CLDN12: variants seen among roughly 807,000 people sequenced by gnomAD.
The protein encoded by CLDN12 is claudin-12.
CLDN12 carries 9 observed loss-of-function variants against 15.5 expected under a neutral mutation model. That is an observed-to-expected ratio of 0.58 (90% CI 0.35 to 1.02). The LOEUF (loss-of-function observed/expected upper bound fraction) is 1.02. Ranked by LOEUF, CLDN12 falls within the 50% of genes least tolerant of loss-of-function variation. The probability of loss-of-function intolerance (pLI) is 0.02; values close to 1 mark genes in which losing one functional copy is unlikely to be tolerated. For missense variants in CLDN12, 233 were observed against 297.3 expected (o/e 0.78, Z 1.59); for synonymous variants, 140 against 121.6 (o/e 1.15, Z -1.00).
Position 90,413,525 on chromosome 7 carries a change from C to G in CLDN12, c.*114C>G. On this transcript the variant is annotated 3_prime_UTR_variant, in exon 4 of 4. Coordinates refer to ENST00000496677, the MANE Select transcript of CLDN12 (RefSeq NM_001185072.3). The stretch of plus-strand genomic sequence containing the variant: ...CTTTGTTTTTGACCAATCAATGAAG[C>G]CAAATTTATATGTCCTAGTAGAATG... The G allele has an allele frequency of 6.7e-7, 1 of 1,497,058 alleles. No homozygotes were observed. The highest frequency in any genetic ancestry group is 8.9e-7 in the Non-Finnish European group (1 of 1,125,736). 92.7% of individuals were successfully genotyped at this position (1,497,058 alleles called of 1,614,324 possible).
At position 90,415,567 on chromosome 7, in the gene CLDN12, T is replaced by C. The variant is rs976635967; in HGVS notation, c.*2156T>C. On this transcript the variant is annotated 3_prime_UTR_variant, in exon 4 of 4. Transcript: ENST00000496677. ...ATTATGGATTCACTAGACAAACAGC[T>C]GTTTCCTTATTGTCTTTTTTCTTTA... 1.2e-5 allele frequency: 2 copies of C among 166,892 alleles called. No homozygotes were observed. The highest frequency in any genetic ancestry group is 2.4e-5 in the African/African-American group (1 of 41,476). The allele number at this position is 166,892 out of a possible 1,614,324, so 10.3% of individuals were successfully genotyped here.
At chr7:90,411,282 A>G (rs1796956305) in intron 2 of CLDN12, among the ~76,000 whole-genome samples, 1 of 152,240 alleles carries the variant, frequency 6.6e-6, no homozygotes, top group Non-Finnish European at 1.5e-5. Context: ...TCATGCTCTG[A>G]ACAAAAAAGT....
At chr7:90,411,498 T>C (rs557844407) in intron 2 of CLDN12, among the ~76,000 whole-genome samples, 1 of 152,354 alleles carries the variant, frequency 6.6e-6, no homozygotes, top group East Asian at 1.9e-4. Flanking sequence ...CGACTGTTTT[T>C]CTTATAATAG....
chr7:90,412,951 T>C lies in CLDN12; in HGVS notation c.275T>C (p.Leu92Pro). 1 of 1,614,164 alleles carries C rather than the reference T, an allele frequency of 6.2e-7. No homozygotes were observed. Among genetic ancestry groups the C allele is most frequent in the Non-Finnish European group, 8.5e-7 (1 of 1,180,016 alleles). Residue 92 changes from leucine to proline, a missense_variant, in exon 4 of 4, where the codon CTC becomes CCC. Transcript: ENST00000496677. Reference sequence around the variant, plus strand: ...CGTGTCCTCCAGTTTGCCCTACCCCTCAGCATGCTGATCGCCATGGGTGCC... The same window carrying C: ...CGTGTCCTCCAGTTTGCCCTACCCCCCAGCATGCTGATCGCCATGGGTGCC... ...DLRVLQFALPLSMLIAMGALL... is the reference protein window; with the variant it reads ...DLRVLQFALPPSMLIAMGALL...
At position 90,415,498 on chromosome 7, in the gene CLDN12, A is replaced by G. The variant is rs982647638; in HGVS notation, c.*2087A>G. The G allele has an allele frequency of 1.2e-5, 2 of 166,518 alleles. No individual in the cohort carries two copies. The highest frequency in any genetic ancestry group is 1.5e-5 in the Non-Finnish European group (1 of 68,094). The allele number at this position is 166,518 out of a possible 1,614,324, so 10.3% of individuals were successfully genotyped here. On this transcript the variant is annotated 3_prime_UTR_variant, in exon 4 of 4. Transcript: ENST00000496677. ...TAAATATAAACATTAACTTTCCTAT[A>G]AGAATATTTTGGCTTTGTAATCTAT...
intron 3 of CLDN12, chr7:90,412,286 G>T: frequency 5.4e-6 from 1 of 184,628 alleles, no homozygotes; most frequent in Non-Finnish European, 1.1e-5. Flanking sequence ...CAGAGTGCTT[G>T]ATGTATATGT....
In CLDN12 at chr7:90,413,754, T is replaced by C; in HGVS notation, c.*343T>C. 2.9e-6 allele frequency: 3 copies of C among 1,032,976 alleles called. No individual in the cohort carries two copies. Among genetic ancestry groups the C allele is most frequent in the Non-Finnish European group, 3.5e-6 (3 of 852,170 alleles). 64.0% of individuals were successfully genotyped at this position (1,032,976 alleles called of 1,614,324 possible). On this transcript the variant is annotated 3_prime_UTR_variant, in exon 4 of 4. Coordinates refer to ENST00000496677, the MANE Select transcript of CLDN12 (RefSeq NM_001185072.3). ...CAGAAGCTGTTGTATACAATCTTCATGAAAATTTCAGTGTGTATTTTTCTT... is the reference window on the plus strand; with the variant it reads ...CAGAAGCTGTTGTATACAATCTTCACGAAAATTTCAGTGTGTATTTTTCTT...
chr7:90,406,038 G>A (rs1483912315), intron 2 of CLDN12: 1 of 152,382 alleles, frequency 6.6e-6, no homozygotes, highest in Non-Finnish European at 1.5e-5. Context: ...CGGAGGTCGA[G>A]GCTGCAGTGA....
At chr7:90,406,697 A>G (rs1796843542) in intron 2 of CLDN12, among the ~76,000 whole-genome samples, 1 of 152,172 alleles carries the variant, frequency 6.6e-6, no homozygotes, top group South Asian at 2.1e-4. Flanking sequence ...CAGTTTGTAA[A>G]TGATAGGTTA....
chr7:90,410,155 G>A (rs569528714), intron 2 of CLDN12, among the ~76,000 whole-genome samples: 1 of 150,852 alleles, frequency 6.6e-6, no homozygotes, highest in Non-Finnish European at 1.5e-5. Flanking sequence ...CCTAGAGCTT[G>A]GCATTTCTAG....
Position 90,413,317 on chromosome 7 carries a change from C to T in CLDN12, c.641C>T (p.Pro214Leu), listed in dbSNP as rs758882760. The change falls in exon 4 of 4, where the codon CCA becomes CTA. Residue 214 changes from proline to leucine, a missense_variant. By Grantham distance (98) the Pro-to-Leu change is moderately conservative (BLOSUM62 -3). Coordinates refer to ENST00000496677, the MANE Select transcript of CLDN12 (RefSeq NM_001185072.3). Reference protein sequence around the residue: ...SPFWQPLYSHPPSMHTYSQPY... With the variant: ...SPFWQPLYSHLPSMHTYSQPY... ...TTCTGGCAACCATTGTACTCCCATC[C>T]ACCCAGTATGCATACTTACTCACAG... 4 of 1,614,056 alleles carry T rather than the reference C, an allele frequency of 2.5e-6. No individual in the cohort carries two copies. The highest frequency in any genetic ancestry group is 2.2e-5 in the South Asian group (2 of 91,082).
chr7:90,406,132 A>G (rs1055789658), intron 2 of CLDN12: 6 of 152,192 alleles, frequency 3.9e-5, no homozygotes, highest in African/African-American at 7.2e-5. Context: ...GCTATTAGAC[A>G]TATGTACTCT....
Position 90,412,804 on chromosome 7 carries a change from G to C in CLDN12, c.128G>C (p.Arg43Thr). The C allele has an allele frequency of 6.2e-7, 1 of 1,614,210 alleles. No individual in the cohort carries two copies. The highest frequency in any genetic ancestry group is 2.2e-5 in the East Asian group (1 of 44,886). Residue 43 changes from arginine to threonine, a missense_variant, in exon 4 of 4, where the codon AGA becomes ACA. Transcript: ENST00000496677. Reference protein sequence around the residue: ...WRKLRLITFNRNEKNLTVYTG... With the variant: ...WRKLRLITFNTNEKNLTVYTG... Reference sequence around the variant, plus strand: ...AAATTACGATTGATCACATTCAACAGAAACGAGAAGAACCTGACTGTTTAC... The same window carrying C: ...AAATTACGATTGATCACATTCAACACAAACGAGAAGAACCTGACTGTTTAC...
At chr7:90,403,618 G>A (rs917660) in intron 1 of CLDN12, 69 bp downstream of exon 1, 44,333 of 152,066 alleles carry the variant, frequency 0.29, 7,434 homozygotes, top group African/African-American at 0.46. Flanking sequence ...TATGTAAAAT[G>A]GCTAAATCCA....
rs1486801818 is a variant in CLDN12 at position 90,413,290 on chromosome 7, C to G, written c.614C>G (p.Pro205Arg). Residue 205 changes from proline to arginine, a missense_variant, in exon 4 of 4, where the codon CCT becomes CGT. Coordinates refer to ENST00000496677, the MANE Select transcript of CLDN12 (RefSeq NM_001185072.3). Reference protein sequence around the residue: ...WYCTCKSLPSPFWQPLYSHPP... With the variant: ...WYCTCKSLPSRFWQPLYSHPP... ...TGTACATGCAAATCTTTGCCTTCTC[C>G]TTTCTGGCAACCATTGTACTCCCAT... 6.2e-7 allele frequency: 1 copy of G among 1,614,066 alleles called. No homozygotes were observed. Among genetic ancestry groups the G allele is most frequent in the East Asian group, 2.2e-5 (1 of 44,902 alleles).
At chr7:90,411,037 T>C (rs1796950806) in intron 2 of CLDN12, among the ~76,000 whole-genome samples, 1 of 152,020 alleles carries the variant, frequency 6.6e-6, no homozygotes, top group South Asian at 2.1e-4. Flanking sequence ...TCCTATATTA[T>C]ATGACTAGAT....
intron 2 of CLDN12, among the ~76,000 whole-genome samples, chr7:90,407,624 G>A (rs1796865724): frequency 6.6e-6 from 1 of 152,164 alleles, no homozygotes; most frequent in East Asian, 1.9e-4. Context: ...ACAGTCTGAT[G>A]GGAAAGAAAA....
At position 90,413,846 on chromosome 7, in the gene CLDN12, G is replaced by T; in HGVS notation, c.*435G>T. 1 of 1,000,640 alleles carries T rather than the reference G, an allele frequency of 1.0e-6. No individual in the cohort carries two copies. The highest frequency in any genetic ancestry group is 1.2e-6 in the Non-Finnish European group (1 of 830,238). The allele number at this position is 1,000,640 out of a possible 1,614,324, so 62.0% of individuals were successfully genotyped here. A position where few individuals can be genotyped will look rare whatever the true frequency, so the allele number is the denominator to read the frequency against. ...ATATAAGAAATTTATTTCAGGTAAG[G>T]GTAATATTTTAATAGTAGTCAATAA... On this transcript the variant is annotated 3_prime_UTR_variant, in exon 4 of 4. Transcript: ENST00000496677.
chr7:90,408,035 A>G (rs1195651407), intron 2 of CLDN12, among the ~76,000 whole-genome samples: 1 of 152,192 alleles, frequency 6.6e-6, no homozygotes, highest in Non-Finnish European at 1.5e-5. Flanking sequence ...AATGGTAAGA[A>G]ATGGAATGGC....
Sources: allele counts gnomAD v4.1 joint callset (sites outside exome capture counted in the v4.1 genomes callset), GRCh38; gene constraint gnomAD v4.1.1; transcripts MANE v1.5; gene names NCBI Gene and HGNC (gene_info 2026-07-23, HGNC 2026-07-21).